Variants in MAP2K5 observed in about 807,000 individuals in gnomAD.
The protein encoded by MAP2K5 is mitogen-activated protein kinase kinase 5.
In MAP2K5, 49 loss-of-function variants were observed where a neutral mutation model predicts 83.1. The observed-to-expected ratio is 0.59, with a 90% CI of 0.47 to 0.75. MAP2K5 has a LOEUF of 0.75. Ranked by LOEUF, MAP2K5 falls within the 30% of genes least tolerant of loss-of-function variation. The pLI, the probability that MAP2K5 is intolerant of heterozygous loss-of-function variation, is 0.00. For missense variants in MAP2K5, 457 were observed against 557.5 expected (o/e 0.82, Z 1.82); for synonymous variants, 202 against 191.8 (o/e 1.05, Z -0.44).
Position 67,750,242 on chromosome 15 carries a change from G to A in MAP2K5, c.1134+1641G>A, listed in dbSNP as rs781527366. Among the ~76,000 whole-genome samples, 1 of 152,198 alleles carries A rather than the reference G, an allele frequency of 6.6e-6. No homozygotes were observed. The highest frequency in any genetic ancestry group is 1.5e-5 in the Non-Finnish European group (1 of 68,022). On this transcript the variant is annotated intron_variant, in intron 19 of 21. Transcript: ENST00000178640. This position sits in a 1 kb window ranked among gnomAD's most constrained non-coding sequence, Gnocchi z 4.2. ...CATAGCATTTCTTTCTTAGTCAAGA[G>A]AAAAATGTAACTTAGACATATATTC... is the stretch of plus-strand genomic sequence containing the variant.
In MAP2K5 at chr15:67,748,136, C is replaced by A. The variant is rs2089644059; in HGVS notation, c.1075-95C>A. 2 of 835,962 alleles carry A rather than the reference C, an allele frequency of 2.4e-6. No individual in the cohort carries two copies. The highest frequency in any genetic ancestry group is 2.5e-5 in the East Asian group (1 of 40,356). 51.8% of individuals were successfully genotyped at this position (835,962 alleles called of 1,614,324 possible). Reference sequence around the variant, plus strand: ...GTGTTAACACATGCCCACAAATTGCCACCAGCAATGCAATAATTTTCTCTC... The same window carrying A: ...GTGTTAACACATGCCCACAAATTGCAACCAGCAATGCAATAATTTTCTCTC... On this transcript the variant is annotated intron_variant, in intron 17 of 21. Coordinates refer to ENST00000178640, the MANE Select transcript of MAP2K5 (RefSeq NM_145160.3). The surrounding 1 kb of genome is among the most constrained non-coding windows in gnomAD (Gnocchi z 4.0).
chr15:67,583,857 C>T (rs1371701289), intron 4 of MAP2K5, among the ~76,000 whole-genome samples: 1 of 152,098 alleles, frequency 6.6e-6, no homozygotes, highest in Non-Finnish European at 1.5e-5. Flanking sequence ...GAGCAGTTCT[C>T]TCGCCTCAGC....
intron 13 of MAP2K5, chr15:67,670,479 CT>C (rs1386987806): frequency 4.4e-6 from 2 of 453,992 alleles, no homozygotes; most frequent in Non-Finnish European, 8.8e-6. Context: ...TAAATTATGC[CT>C]CAGTAAACCA....
At chr15:67,660,233 A>G (rs1177522755) in intron 12 of MAP2K5, among the ~76,000 whole-genome samples, 4 of 152,002 alleles carry the variant, frequency 2.6e-5, no homozygotes, top group Non-Finnish European at 4.4e-5. Flanking sequence ...GATCACCTCC[A>G]TGCTAAATTC....
chr15:67,690,428 A>G lies in MAP2K5; in HGVS notation c.848-2051A>G, dbSNP rs759213736. On this transcript the variant is annotated intron_variant, in intron 13 of 21. Transcript: ENST00000178640. This position sits in a 1 kb window ranked among gnomAD's most constrained non-coding sequence, Gnocchi z 4.3. ...AGACAAGTGATGTAGTGAAAGTGGT[A>G]TATTTAAGGTTTAATATGATGATGG... Among the ~76,000 whole-genome samples, 1 of 152,200 alleles carries G rather than the reference A, an allele frequency of 6.6e-6. No homozygotes were observed. The highest frequency in any genetic ancestry group is 1.9e-4 in the East Asian group (1 of 5,204).
Position 67,720,826 on chromosome 15 carries a change from T to G in MAP2K5, c.1045-7090T>G, listed in dbSNP as rs1198951032. ...TTGCTGGAGTAATATTCCAGGATGATTTATCCTCCTGCTGCACTGGGATAT... is the reference window on the plus strand; with the variant it reads ...TTGCTGGAGTAATATTCCAGGATGAGTTATCCTCCTGCTGCACTGGGATAT... On this transcript the variant is annotated intron_variant, in intron 16 of 21. Transcript: ENST00000178640. This position sits in a 1 kb window ranked among gnomAD's most constrained non-coding sequence, Gnocchi z 5.7. 2.0e-5 allele frequency among the ~76,000 whole-genome samples: 3 copies of G among 152,288 alleles called. No homozygotes were observed. Among genetic ancestry groups the G allele is most frequent in the Middle Eastern group, 3.4e-3 (1 of 294 alleles).
intron 16 of MAP2K5, among the ~76,000 whole-genome samples, chr15:67,726,533 A>G (rs922399197): frequency 6.6e-6 from 1 of 152,270 alleles, no homozygotes; most frequent in African/African-American, 2.4e-5. Flanking sequence ...AAACAATTAC[A>G]AAAGGAGAAT....
intron 9 of MAP2K5, among the ~76,000 whole-genome samples, chr15:67,632,943 C>A (rs1263715206): frequency 6.6e-6 from 1 of 152,102 alleles, no homozygotes; most frequent in Non-Finnish European, 1.5e-5. Context: ...TGAGGGGGTA[C>A]AACAGAGCTT....
At chr15:67,660,729 C>G (rs1212691878) in intron 12 of MAP2K5, among the ~76,000 whole-genome samples, 2 of 152,076 alleles carry the variant, frequency 1.3e-5, no homozygotes, top group African/African-American at 4.8e-5. Flanking sequence ...ATTGAACATA[C>G]TCTGTGCACA....
At chr15:67,663,681 T>G (rs1247566496) in intron 12 of MAP2K5, among the ~76,000 whole-genome samples, 1 of 152,170 alleles carries the variant, frequency 6.6e-6, no homozygotes, top group Admixed American at 6.6e-5. Context: ...AAGACCAGCC[T>G]TGACAACAAA....
chr15:67,556,633 C>T (rs368008524), intron 2 of MAP2K5, among the ~76,000 whole-genome samples: 10 of 151,292 alleles, frequency 6.6e-5, no homozygotes, highest in African/African-American at 2.2e-4. Flanking sequence ...CTCACTGCAA[C>T]CTCCGCCCCC....
rs1220354064 is a variant in MAP2K5, at chr15:67,748,001, T to C, written c.1075-230T>C. 2.0e-5 allele frequency among the ~76,000 whole-genome samples: 3 copies of C among 152,234 alleles called. No individual in the cohort carries two copies. The highest frequency in any genetic ancestry group is 1.9e-4 in the East Asian group (1 of 5,202). On this transcript the variant is annotated intron_variant, in intron 17 of 21. Transcript: ENST00000178640. This position sits in a 1 kb window ranked among gnomAD's most constrained non-coding sequence, Gnocchi z 4.0. ...ATTATGGTTTTTCTCCCTATTCTAATACAACCTGGAGGGTACTAAAAAGTG... is the reference window on the plus strand; with the variant it reads ...ATTATGGTTTTTCTCCCTATTCTAACACAACCTGGAGGGTACTAAAAAGTG...
Position 67,786,236 on chromosome 15 carries a change from A to G in MAP2K5, c.1242+13484A>G, listed in dbSNP as rs530889003. ...TTAGAATAAATTATATGTATGTCGG[A>G]TGTTTGCAATTGGTGTACACTGAAT... On this transcript the variant is annotated intron_variant, in intron 21 of 21. Transcript: ENST00000178640. The surrounding 1 kb of genome is among the most constrained non-coding windows in gnomAD (Gnocchi z 4.7). Among the ~76,000 whole-genome samples the G allele has an allele frequency of 8.6e-5, 13 of 151,534 alleles. No homozygotes were observed. The highest frequency in any genetic ancestry group is 3.2e-4 in the African/African-American group (13 of 41,228).
intron 13 of MAP2K5, among the ~76,000 whole-genome samples, chr15:67,681,680 A>G (rs1466369686): frequency 1.3e-5 from 2 of 152,228 alleles, no homozygotes; most frequent in Non-Finnish European, 2.9e-5. Context: ...TTTTTAATGC[A>G]AAAGGAGAAT....
chr15:67,595,606 T>C (rs2085507334), intron 7 of MAP2K5, among the ~76,000 whole-genome samples: 1 of 152,240 alleles, frequency 6.6e-6, no homozygotes, highest in Non-Finnish European at 1.5e-5. Flanking sequence ...CATTTCATTT[T>C]TTCCATTAAT....
Position 67,577,615 on chromosome 15 carries a change from TC to T in MAP2K5, c.253-3138del, listed in dbSNP as rs1194597196. On this transcript the variant is annotated intron_variant, in intron 3 of 21. Transcript: ENST00000178640. The surrounding 1 kb of genome is among the most constrained non-coding windows in gnomAD (Gnocchi z 4.1). ...TTCTTTTCTTTTGGTTTTGGTCATTTCTGCTTATTTTATCACTATTTAGAAC... is the reference window on the plus strand; with the variant it reads ...TTCTTTTCTTTTGGTTTTGGTCATTTTGCTTATTTTATCACTATTTAGAAC... Among the ~76,000 whole-genome samples, 1 of 152,246 alleles carries T rather than the reference TC, an allele frequency of 6.6e-6. No homozygotes were observed. Among genetic ancestry groups the T allele is most frequent in the Non-Finnish European group, 1.5e-5 (1 of 68,038 alleles).
intron 8 of MAP2K5, among the ~76,000 whole-genome samples, chr15:67,630,011 G>C (rs1299452160): frequency 6.6e-6 from 1 of 152,138 alleles, no homozygotes; most frequent in Non-Finnish European, 1.5e-5. Flanking sequence ...ACTGAGGTGG[G>C]AGCATCACTT....
In MAP2K5 at chr15:67,543,559, G is replaced by T; in HGVS notation, c.135+89G>T. 2.7e-6 allele frequency: 4 copies of T among 1,482,954 alleles called. No homozygotes were observed. The highest frequency in any genetic ancestry group is 3.7e-6 in the Non-Finnish European group (4 of 1,071,300). The allele number at this position is 1,482,954 out of a possible 1,614,324, so 91.9% of individuals were successfully genotyped here. On this transcript the variant is annotated intron_variant, in intron 1 of 21. Coordinates refer to ENST00000178640, the MANE Select transcript of MAP2K5 (RefSeq NM_145160.3). The surrounding 1 kb of genome is among the most constrained non-coding windows in gnomAD (Gnocchi z 4.3). Reference sequence around the variant, plus strand: ...CCTTGACCACTGGTGACCTGAGCCAGTGGCAATGGCTACTGCTGGCTTCCT... The same window carrying T: ...CCTTGACCACTGGTGACCTGAGCCATTGGCAATGGCTACTGCTGGCTTCCT...
At chr15:67,703,315 G>C (rs1486086910) in intron 15 of MAP2K5, 22 bp from the exon 16 acceptor site, 2 of 1,593,048 alleles carry the variant, frequency 1.3e-6, no homozygotes, top group South Asian at 2.2e-5. Context: ...CCACTCACAG[G>C]CTCCCTTCTG....
Sources: allele counts gnomAD v4.1 joint callset (sites outside exome capture counted in the v4.1 genomes callset), GRCh38; gene constraint gnomAD v4.1.1; non-coding constraint Gnocchi (gnomAD v3.1); transcripts MANE v1.5; gene names NCBI Gene and HGNC (gene_info 2026-07-23, HGNC 2026-07-21).